The following TNIP3 variants were observed in gnomAD, a reference collection of about 807,000 sequenced individuals.
The protein encoded by TNIP3 is TNFAIP3 interacting protein 3, also known as TNFAIP3-interacting protein 3.
A neutral mutation model predicts 54.1 loss-of-function variants in TNIP3; 34 were observed. The observed-to-expected ratio is 0.63, with a 90% CI of 0.48 to 0.84. The LOEUF (loss-of-function observed/expected upper bound fraction) is 0.84, where lower values mean the gene tolerates loss of function less well. TNIP3 is among the 40% of genes least tolerant of loss of function. TNIP3 has a pLI of 0.00. For missense variants in TNIP3, 366 were observed against 387.6 expected (o/e 0.94, Z 0.47); for synonymous variants, 134 against 136.8 (o/e 0.98, Z 0.14).
chr4:121,205,380 A>T (rs1579491353), intron 2 of TNIP3, among the ~76,000 whole-genome samples: 1 of 152,062 alleles, frequency 6.6e-6, no homozygotes, highest in Non-Finnish European at 1.5e-5. Context: ...AAGAAGGGGG[A>T]TTGTAGCAGA....
intron 9 of TNIP3, among the ~76,000 whole-genome samples, chr4:121,140,496 AATTCCTTCCTT>A (rs1403456875): frequency 6.6e-6 from 1 of 152,120 alleles, no homozygotes; most frequent in Admixed American, 6.6e-5. Context: ...ATAGTAGGTG[AATTCCTTCCTT>A]CTTTCCATAA....
intron 2 of TNIP3, among the ~76,000 whole-genome samples, chr4:121,205,021 T>C (rs1398853276): frequency 6.6e-6 from 1 of 152,210 alleles, no homozygotes. Context: ...TGATTTTTCA[T>C]TATGGGTGTC....
chr4:121,187,514 A>T (rs1725083064), intron 2 of TNIP3, among the ~76,000 whole-genome samples: 1 of 152,224 alleles, frequency 6.6e-6, no homozygotes, highest in African/African-American at 2.4e-5. Flanking sequence ...TACATCTGGG[A>T]TCTTAGTGAC....
In TNIP3 at chr4:121,221,829, A is replaced by G. The variant is rs1727038153; in HGVS notation, c.4-5329T>C. Reference sequence around the variant, plus strand: ...GGACTTTCATCACCTATTTCCTTCTAAGAAGTCTTTTTGTTTTATAGCAGT... The same window carrying G: ...GGACTTTCATCACCTATTTCCTTCTGAGAAGTCTTTTTGTTTTATAGCAGT... On this transcript the variant is annotated intron_variant, in intron 1 of 12. Transcript: ENST00000509841. Among the ~76,000 whole-genome samples, 4 of 152,158 alleles carry G rather than the reference A, an allele frequency of 2.6e-5. No homozygotes were observed. The South Asian group carries it at 8.3e-4, about 32-fold the overall frequency.
rs10561132 is a variant in TNIP3, at chr4:121,132,213, AACAC to A, written c.*414_*417del. On this transcript the variant is annotated 3_prime_UTR_variant, in exon 11 of 11. Transcript: ENST00000057513. ...AACTGCAGAAATTTTTACCCCAGGA[AACAC>A]ACACACACACACACACACACACACA... 5,667 of 146,976 alleles carry A rather than the reference AACAC, an allele frequency of 0.039. 183 individuals are homozygous for A. The highest frequency in any genetic ancestry group is 0.093 in the African/African-American group (3,687 of 39,658). 9.1% of individuals were successfully genotyped at this position (146,976 alleles called of 1,614,324 possible).
intron 5 of TNIP3, among the ~76,000 whole-genome samples, chr4:121,151,589 T>C (rs1315619299): frequency 6.6e-6 from 1 of 152,094 alleles, no homozygotes; most frequent in Non-Finnish European, 1.5e-5. Context: ...GTCAGAATAG[T>C]TCAATTTTTT....
intron 1 of TNIP3, among the ~76,000 whole-genome samples, chr4:121,162,490 G>C (rs1432959762): frequency 2.0e-5 from 3 of 151,872 alleles, no homozygotes; most frequent in Non-Finnish European, 1.5e-5. Context: ...CAAGTATGTT[G>C]GGGCCCGTAA....
chr4:121,179,574 A>T (rs1036839857), intron 3 of TNIP3, among the ~76,000 whole-genome samples: 2 of 152,236 alleles, frequency 1.3e-5, no homozygotes, highest in African/African-American at 4.8e-5. Flanking sequence ...GGTTTTCAGT[A>T]CATTAGTAAG....
intron 9 of TNIP3, among the ~76,000 whole-genome samples, chr4:121,140,842 G>A (rs573599147): frequency 4.6e-5 from 7 of 152,284 alleles, no homozygotes; most frequent in South Asian, 2.1e-4. Context: ...AATTCTTAGC[G>A]GTGTGCTGTG....
chr4:121,226,312 G>A (rs1246348012), intron 1 of TNIP3, among the ~76,000 whole-genome samples: 1 of 151,998 alleles, frequency 6.6e-6, no homozygotes, highest in African/African-American at 2.4e-5. Flanking sequence ...AAATGAAAAG[G>A]CATAATGTTT....
In TNIP3 at chr4:121,154,692, C is replaced by T; in HGVS notation, c.364-13G>A. 2 of 1,590,320 alleles carry T rather than the reference C, an allele frequency of 1.3e-6. No individual in the cohort carries two copies. The highest frequency in any genetic ancestry group is 1.4e-5 in the African/African-American group (1 of 73,418). On this transcript the variant is annotated splice_polypyrimidine_tract_variant and intron_variant, in intron 4 of 10. Coordinates refer to ENST00000057513, the MANE Select transcript of TNIP3 (RefSeq NM_024873.6). ...GTTCCTTTTCCTTCTGAAGTTAAGA[C>T]CAAGAAAAGAAAATAAAAGTCAGTA...
intron 5 of TNIP3, among the ~76,000 whole-genome samples, chr4:121,153,612 T>A (rs914246354): frequency 1.3e-5 from 2 of 152,212 alleles, no homozygotes; most frequent in Non-Finnish European, 2.9e-5. Context: ...TCCTGAAGAA[T>A]AACTTGTCCC....
At chr4:121,149,833 A>G (rs1392964029) in intron 6 of TNIP3, among the ~76,000 whole-genome samples, 1 of 152,148 alleles carries the variant, frequency 6.6e-6, no homozygotes, top group African/African-American at 2.4e-5. Context: ...ACCTCACCCA[A>G]AGGTTAATTG....
chr4:121,197,937 T>A (rs938037789), intron 2 of TNIP3, among the ~76,000 whole-genome samples: 1 of 152,234 alleles, frequency 6.6e-6, no homozygotes, highest in Admixed American at 6.5e-5. Context: ...TGACGAATCT[T>A]GCTTGACTGA....
At chr4:121,182,504 C>T in intron 3 of TNIP3, among the ~76,000 whole-genome samples, 1 of 152,250 alleles carries the variant, frequency 6.6e-6, no homozygotes, top group Non-Finnish European at 1.5e-5. Flanking sequence ...TCTTTAGTAA[C>T]AGGAAGTGGC....
chr4:121,156,947 A>G (rs1560652846), intron 4 of TNIP3, 147 bp downstream of exon 4: 2 of 918,364 alleles, frequency 2.2e-6, no homozygotes, highest in African/African-American at 3.3e-5. Flanking sequence ...GCTCTTGGGG[A>G]CTTGCGTAAC....
intron 2 of TNIP3, among the ~76,000 whole-genome samples, chr4:121,215,736 G>A (rs1726753126): frequency 6.6e-6 from 1 of 151,956 alleles, no homozygotes; most frequent in Non-Finnish European, 1.5e-5. Flanking sequence ...CTTTTATGAG[G>A]CAGAGCATCC....
Position 121,164,073 on chromosome 4 carries a change from G to A in TNIP3, c.53C>T (p.Thr18Met), listed in dbSNP as rs144762502. 125 of 1,613,558 alleles carry A rather than the reference G, an allele frequency of 7.7e-5. No individual in the cohort carries two copies. In the African/African-American group the frequency reaches 1.1e-3, roughly 14 times the overall value. ...ATATGTTCTTACCTCTTTATGCTCC[G>A]TAGAACTTTCTGCGGCAATCATTCT... is the stretch of plus-strand genomic sequence containing the variant. Reference protein sequence around the residue: ...TSRMIAAESSTEHKECAEPST... With the variant: ...TSRMIAAESSMEHKECAEPST... The change falls in exon 1 of 11, where the codon ACG (threonine) becomes ATG (methionine). Residue 18 changes from threonine to methionine, a missense_variant. Physicochemically the swap from Thr to Met is moderately conservative, Grantham distance 81. Transcript: ENST00000057513.
chr4:121,146,655 C>T (rs991433731), intron 7 of TNIP3, among the ~76,000 whole-genome samples: 23 of 152,160 alleles, frequency 1.5e-4, no homozygotes, highest in African/African-American at 5.3e-4. Context: ...TTTAGAAATA[C>T]GTATGTTTTT....
Sources: allele counts gnomAD v4.1 joint callset (sites outside exome capture counted in the v4.1 genomes callset), GRCh38; gene constraint gnomAD v4.1.1; transcripts MANE v1.5; gene names NCBI Gene and HGNC (gene_info 2026-07-23, HGNC 2026-07-21).